RAD51D: variants seen among roughly 807,000 people sequenced by gnomAD.
The protein encoded by RAD51D is RAD51 paralog D.
In RAD51D, 38 loss-of-function variants were observed where a neutral mutation model predicts 44.1. That is an observed-to-expected ratio of 0.86 (90% CI 0.67 to 1.13). The LOEUF (loss-of-function observed/expected upper bound fraction) is 1.13, where lower values mean the gene tolerates loss of function less well. Ranked by LOEUF, RAD51D falls within the 50% of genes most tolerant of loss-of-function variation. The probability of loss-of-function intolerance (pLI) is 0.00; values close to 1 mark genes in which losing one functional copy is unlikely to be tolerated. For synonymous variants in RAD51D, 141 were observed against 166.6 expected (o/e 0.85, Z 1.18); for missense variants, 390 against 414.0 (o/e 0.94, Z 0.50).
In RAD51D at chr17:35,094,321, C is replaced by G. The variant is rs1164270550; in HGVS notation, c.*6632G>C. 1 of 152,208 alleles carries G rather than the reference C, an allele frequency of 6.6e-6. No individual in the cohort carries two copies. The highest frequency in any genetic ancestry group is 1.5e-5 in the Non-Finnish European group (1 of 68,056). 9.4% of individuals were successfully genotyped at this position (152,208 alleles called of 1,614,324 possible). ...TTCGCCATGTTGGCCAAGCTGGTCTCGAACTTCTGATTTCAAATGATCCAC... is the reference window on the plus strand; with the variant it reads ...TTCGCCATGTTGGCCAAGCTGGTCTGGAACTTCTGATTTCAAATGATCCAC... On this transcript the variant is annotated 3_prime_UTR_variant, in exon 10 of 10. Coordinates refer to ENST00000345365, the MANE Select transcript of RAD51D (RefSeq NM_002878.4).
chr17:35,106,433 G>A lies in RAD51D; in HGVS notation c.529C>T (p.Gln177Ter), dbSNP rs2142429256. 1 of 1,613,436 alleles carries A rather than the reference G, an allele frequency of 6.2e-7. No homozygotes were observed. The highest frequency in any genetic ancestry group is 1.1e-5 in the South Asian group (1 of 90,866). The change falls in exon 6 of 10, where the codon CAG (glutamine) becomes TAG (stop). Residue 177 changes from glutamine (Q) to a stop codon, truncating the protein, a stop_gained. Coordinates refer to ENST00000345365, the MANE Select transcript of RAD51D (RefSeq NM_002878.4). LOFTEE classifies it high-confidence loss of function. Reference sequence around the variant, plus strand: ...AGCTCCTGCAGCACATCCAGCATCTGGAAGATGTCAAATGCATGCACCACC... The same window carrying A: ...AGCTCCTGCAGCACATCCAGCATCTAGAAGATGTCAAATGCATGCACCACC... ...IQVVHAFDIF[Q>*]MLDVLQELRG... is the part of the protein sequence containing the mutation.
In RAD51D at chr17:35,093,735, A is replaced by G. The variant is rs1355107343; in HGVS notation, c.*7218T>C. 2.0e-5 allele frequency: 3 copies of G among 152,262 alleles called. No homozygotes were observed. The highest frequency in any genetic ancestry group is 7.2e-5 in the African/African-American group (3 of 41,462). 9.4% of individuals were successfully genotyped at this position (152,262 alleles called of 1,614,324 possible). A position where few individuals can be genotyped will look rare whatever the true frequency, so the allele number is the denominator to read the frequency against. ...TGTTATTGTTGCTTCTATTCTGTGT[A>G]GTACTAAAAGTCAGTTTAGCCAGTG... is the stretch of plus-strand genomic sequence containing the variant. On this transcript the variant is annotated 3_prime_UTR_variant, in exon 10 of 10. Transcript: ENST00000345365.
At chr17:35,104,749 G>C (rs529986440) in intron 6 of RAD51D, 12 of 152,078 alleles carry the variant, frequency 7.9e-5, no homozygotes, top group Admixed American at 3.3e-4. Flanking sequence ...TGGTTTCCCT[G>C]GACTTAAACT....
intron 3 of RAD51D, 35 bp from the exon 4 acceptor site, chr17:35,107,482 G>C: frequency 6.8e-7 from 1 of 1,471,584 alleles, no homozygotes; most frequent in Non-Finnish European, 9.5e-7. Context: ...AACACAAGAG[G>C]TTAGGAGGAA....
chr17:35,106,522 G>A lies in RAD51D; in HGVS notation c.481-41C>T, dbSNP rs781159011. ...AGAAAAGCAAGGACTTTGGATAAGAGGGAGTAGGGGGGTCAAGGTAAGGCT... is the reference window on the plus strand; with the variant it reads ...AGAAAAGCAAGGACTTTGGATAAGAAGGAGTAGGGGGGTCAAGGTAAGGCT... On this transcript the variant is annotated intron_variant, in intron 5 of 9. Transcript: ENST00000345365. The A allele has an allele frequency of 1.2e-5, 17 of 1,450,556 alleles. No individual in the cohort carries two copies. The highest frequency in any genetic ancestry group is 2.3e-5 in the East Asian group (1 of 43,636). The allele number at this position is 1,450,556 out of a possible 1,614,324, so 89.9% of individuals were successfully genotyped here.
At chr17:35,116,074 A>G (rs2091742486) in intron 3 of RAD51D, among the ~76,000 whole-genome samples, 2 of 151,360 alleles carry the variant, frequency 1.3e-5, no homozygotes, top group South Asian at 4.2e-4. Flanking sequence ...CCGACAAAAA[A>G]AAAAAAGAAA....
At chr17:35,112,117 G>A (rs1160358839) in intron 3 of RAD51D, among the ~76,000 whole-genome samples, 6 of 152,116 alleles carry the variant, frequency 3.9e-5, no homozygotes, top group Admixed American at 2.0e-4. Context: ...TCGCTCTGTC[G>A]CCCAGGCTGG....
rs1269048216 is a variant in RAD51D, at chr17:35,100,006, G to T, written c.*947C>A. On this transcript the variant is annotated 3_prime_UTR_variant, in exon 10 of 10. Transcript: ENST00000345365. ...CAATGAATTTCTGCATAAAGGACTA[G>T]ATTTGCCATGTATTATTTACGTCAG... The T allele has an allele frequency of 3.8e-6, 2 of 530,344 alleles. No homozygotes were observed. The highest frequency in any genetic ancestry group is 5.2e-4 in the Middle Eastern group (1 of 1,914). The allele number at this position is 530,344 out of a possible 1,614,324, so 32.9% of individuals were successfully genotyped here.
intron 1 of RAD51D, 40 bp downstream of exon 1, chr17:35,119,492 G>T: frequency 6.2e-7 from 1 of 1,602,302 alleles, no homozygotes; most frequent in Non-Finnish European, 8.5e-7. Context: ...CAGGTTGTGC[G>T]AGGCCCGCGC....
Position 35,113,567 on chromosome 17 carries a change from C to T in RAD51D, c.263+4934G>A, listed in dbSNP as rs780605511. 5.6e-5 allele frequency: 25 copies of T among 445,796 alleles called. No homozygotes were observed. In the Admixed American group the frequency reaches 5.8e-4, roughly 10 times the overall value. The allele number at this position is 445,796 out of a possible 1,614,324, so 27.6% of individuals were successfully genotyped here. On this transcript the variant is annotated intron_variant, in intron 3 of 9. Transcript: ENST00000345365. ...TATAGGCATGAGCCACCGTGCCTGG[C>T]CCCCAACCATTTTAATTCCAGGGAC... is the stretch of plus-strand genomic sequence containing the variant.
At position 35,096,167 on chromosome 17, in the gene RAD51D, A is replaced by G. The variant is rs1362780486; in HGVS notation, c.*4786T>C. ...CAATCTGCAAAACTATATTTGCTTT[A>G]ATTTTGTCTTTTAACACCTTGTTTT... On this transcript the variant is annotated 3_prime_UTR_variant, in exon 10 of 10. Coordinates refer to ENST00000345365, the MANE Select transcript of RAD51D (RefSeq NM_002878.4). The G allele has an allele frequency of 1.3e-5, 2 of 152,176 alleles. No individual in the cohort carries two copies. Among genetic ancestry groups the G allele is most frequent in the East Asian group, 1.9e-4 (1 of 5,200 alleles). 9.4% of individuals were successfully genotyped at this position (152,176 alleles called of 1,614,324 possible).
Position 35,119,123 on chromosome 17 carries a change from G to A in RAD51D, c.132C>T (p.Gly44=), listed in dbSNP as rs761651126. The part of the protein sequence containing the change: ...ADLEEVAQKC[G]LSYKALVALR... Reference sequence around the variant, plus strand: ...ATCAGGAGCTCACCTTGTAAGACAAGCCACATTTCTGAGCTACCTCTTCCA... The same window carrying A: ...ATCAGGAGCTCACCTTGTAAGACAAACCACATTTCTGAGCTACCTCTTCCA... Residue 44 remains glycine (G), a synonymous_variant, in exon 2 of 10, where the codon GGC becomes GGT. Coordinates refer to ENST00000345365, the MANE Select transcript of RAD51D (RefSeq NM_002878.4). 3.1e-6 allele frequency: 5 copies of A among 1,613,522 alleles called. No individual in the cohort carries two copies. The African/African-American group carries it at 5.3e-5, about 17-fold the overall frequency.
rs2142419811 is a variant in RAD51D at position 35,103,420 on chromosome 17, T to C, written c.667+34A>G. The C allele has an allele frequency of 6.2e-7, 1 of 1,611,586 alleles. No individual in the cohort carries two copies. The highest frequency in any genetic ancestry group is 8.5e-7 in the Non-Finnish European group (1 of 1,177,728). On this transcript the variant is annotated intron_variant, in intron 7 of 9. Transcript: ENST00000345365. The surrounding 1 kb of genome is among the most constrained non-coding windows in gnomAD (Gnocchi z 4.1). Reference sequence around the variant, plus strand: ...TCCAGAGCTGGGAGGCGAGGTCACATTCCACTGGCCCCAGGCTCTGCCACA... The same window carrying C: ...TCCAGAGCTGGGAGGCGAGGTCACACTCCACTGGCCCCAGGCTCTGCCACA...
rs1238967667 is a variant in RAD51D, at chr17:35,107,356, T to C, written c.345+10A>G. ...CCCTAAATCCTCCTGACTGCTGGCCTCACATGTACCTGAGTTTTGCCGCTA... is the reference window on the plus strand; with the variant it reads ...CCCTAAATCCTCCTGACTGCTGGCCCCACATGTACCTGAGTTTTGCCGCTA... On this transcript the variant is annotated intron_variant, in intron 4 of 9. Transcript: ENST00000345365. The C allele has an allele frequency of 6.5e-7, 1 of 1,539,240 alleles. No homozygotes were observed. Among genetic ancestry groups the C allele is most frequent in the Non-Finnish European group, 9.0e-7 (1 of 1,112,010 alleles).
rs750412372 is a variant in RAD51D at position 35,119,133 on chromosome 17, T to G, written c.122A>C (p.Gln41Pro). 6.2e-7 allele frequency: 1 copy of G among 1,613,808 alleles called. No individual in the cohort carries two copies. ...LVSADLEEVA[Q>P]KCGLSYKALV... ...CACCTTGTAAGACAAGCCACATTTC[T>G]GAGCTACCTCTTCCAGGTCTGCAGA... is the stretch of plus-strand genomic sequence containing the variant. Residue 41 changes from glutamine to proline, a missense_variant, in exon 2 of 10, where the codon CAG becomes CCG. Transcript: ENST00000345365.
In RAD51D at chr17:35,095,062, A is replaced by G. The variant is rs977998001; in HGVS notation, c.*5891T>C. 1 of 152,262 alleles carries G rather than the reference A, an allele frequency of 6.6e-6. No homozygotes were observed. Among genetic ancestry groups the G allele is most frequent in the Non-Finnish European group, 1.5e-5 (1 of 68,068 alleles). The allele number at this position is 152,262 out of a possible 1,614,324, so 9.4% of individuals were successfully genotyped here. On this transcript the variant is annotated 3_prime_UTR_variant, in exon 10 of 10. Coordinates refer to ENST00000345365, the MANE Select transcript of RAD51D (RefSeq NM_002878.4). The stretch of plus-strand genomic sequence containing the variant: ...GCTATTTCCTAGTTGGTTTGAGTCA[A>G]TCACAGCAGTCCCTTTTTCTTGCCA...
chr17:35,103,160 G>C lies in RAD51D; in HGVS notation c.738+94C>G. The C allele has an allele frequency of 7.8e-7, 1 of 1,281,744 alleles. No individual in the cohort carries two copies. The highest frequency in any genetic ancestry group is 1.3e-5 in the South Asian group (1 of 78,378). The allele number at this position is 1,281,744 out of a possible 1,614,324, so 79.4% of individuals were successfully genotyped here. On this transcript the variant is annotated intron_variant, in intron 8 of 9. Coordinates refer to ENST00000345365, the MANE Select transcript of RAD51D (RefSeq NM_002878.4). This position sits in a 1 kb window ranked among gnomAD's most constrained non-coding sequence, Gnocchi z 4.1. ...AGCTGGGATATGTCCCTTTCCTAAAGGGCCACTTTGGGGTTCAGAAGCTGA... is the reference window on the plus strand; with the variant it reads ...AGCTGGGATATGTCCCTTTCCTAAACGGCCACTTTGGGGTTCAGAAGCTGA...
chr17:35,119,391 C>T, intron 1 of RAD51D, 141 bp downstream of exon 1: 1 of 1,084,402 alleles, frequency 9.2e-7, no homozygotes, highest in Non-Finnish European at 1.4e-6. Flanking sequence ...CCCACCCTTC[C>T]TGAGCCTCTC....
intron 3 of RAD51D, among the ~76,000 whole-genome samples, chr17:35,114,417 CTCATACCTG>C (rs558996287): frequency 6.0e-4 from 91 of 151,946 alleles, no homozygotes; most frequent in African/African-American, 2.0e-3. Context: ...GGCATGGTGG[CTCATACCTG>C]TCATCTCAAC....
Sources: gnomAD v4.1 joint callset for allele counts (sites outside exome capture counted in the v4.1 genomes callset) on GRCh38, gnomAD v4.1.1 for gene constraint, Gnocchi (gnomAD v3.1) non-coding constraint, MANE v1.5 for transcripts, NCBI Gene and HGNC (gene_info 2026-07-23, HGNC 2026-07-21) for gene names.